Variants in ZNF79 observed in about 807,000 individuals in gnomAD.
ZNF79 encodes ZNFpT7.
Under a neutral mutation model 14.9 loss-of-function variants are expected in ZNF79, and 13 were observed. The observed-to-expected ratio is 0.87, with a 90% CI of 0.57 to 1.38. The LOEUF (loss-of-function observed/expected upper bound fraction) is 1.38. ZNF79 is among the 40% of genes most tolerant of loss of function. ZNF79 has a pLI of 0.00. For synonymous variants in ZNF79, 223 were observed against 235.1 expected (o/e 0.95, Z 0.47); for missense variants, 631 against 630.6 (o/e 1.00, Z -0.01).
intron 2 of ZNF79, among the ~76,000 whole-genome samples, chr9:127,429,822 C>CT (rs34638175): frequency 0.031 from 4,371 of 141,918 alleles, 94 homozygotes; most frequent in Admixed American, 0.051. Flanking sequence ...TTTCTTTTTC[C>CT]TTTTTTTTTT....
Position 127,435,223 on chromosome 9 carries a change from AAACTGTT to A in ZNF79, c.232+8_232+14del. The A allele has an allele frequency of 6.3e-7, 1 of 1,580,620 alleles. No individual in the cohort carries two copies. Among genetic ancestry groups the A allele is most frequent in the Non-Finnish European group, 8.6e-7 (1 of 1,169,428 alleles). On this transcript the variant is annotated splice_region_variant and intron_variant, in intron 3 of 4. Coordinates refer to ENST00000342483, the MANE Select transcript of ZNF79 (RefSeq NM_007135.3). ...AGGAGCCTTGTCCTACTAGGTAAGG[AAACTGTT>A]TCTTTAAGATTTAGAATCACTCAAT... is the stretch of plus-strand genomic sequence containing the variant.
chr9:127,435,341 G>A (rs147636925), intron 3 of ZNF79, 125 bp downstream of exon 3: 14 of 1,187,294 alleles, frequency 1.2e-5, no homozygotes, highest in Admixed American at 3.3e-5. Flanking sequence ...TATTCCTCTT[G>A]TTCTCTTGGG....
chr9:127,430,187 C>A (rs929524936), intron 2 of ZNF79, among the ~76,000 whole-genome samples: 1 of 152,210 alleles, frequency 6.6e-6, no homozygotes, highest in Non-Finnish European at 1.5e-5. Context: ...TTTCCACTTA[C>A]CAGAATTCGA....
chr9:127,427,143 C>T (rs1037320893), intron 1 of ZNF79, among the ~76,000 whole-genome samples: 1 of 151,476 alleles, frequency 6.6e-6, no homozygotes, highest in African/African-American at 2.4e-5. Flanking sequence ...TAGGGCCAGG[C>T]ACAGTGGCTC....
chr9:127,428,735 C>G (rs1039850743), intron 1 of ZNF79, 97 bp from the exon 2 acceptor site: 1 of 1,295,788 alleles, frequency 7.7e-7, no homozygotes, highest in African/African-American at 1.5e-5. Flanking sequence ...AGATTCAGCC[C>G]ACGTGCCCTG....
chr9:127,435,046 G>C, intron 2 of ZNF79, 44 bp from the exon 3 acceptor site: 2 of 1,577,758 alleles, frequency 1.3e-6, no homozygotes, highest in Non-Finnish European at 1.7e-6. Flanking sequence ...TATCACCCTA[G>C]ATCCTAAGGC....
intron 4 of ZNF79, among the ~76,000 whole-genome samples, chr9:127,437,060 T>TAAA (rs769977106): frequency 4.8e-5 from 6 of 123,798 alleles, no homozygotes; most frequent in South Asian, 2.6e-4. Context: ...AACTCTGTCT[T>TAAA]AAAAAAAAAA....
intron 4 of ZNF79, among the ~76,000 whole-genome samples, chr9:127,440,184 A>C (rs1834026077): frequency 6.6e-6 from 1 of 152,178 alleles, no homozygotes; most frequent in Non-Finnish European, 1.5e-5. Context: ...TTTTATGGTG[A>C]TGAGTTGTGT....
chr9:127,433,071 C>T (rs146143296), intron 2 of ZNF79, among the ~76,000 whole-genome samples: 5 of 152,148 alleles, frequency 3.3e-5, no homozygotes, highest in African/African-American at 1.2e-4. Context: ...CATGAGCCAT[C>T]GTGCCTGGCA....
chr9:127,428,736 A>T, intron 1 of ZNF79, 96 bp from the exon 2 acceptor site: 1 of 1,298,674 alleles, frequency 7.7e-7, no homozygotes, highest in Non-Finnish European at 1.0e-6. Flanking sequence ...GATTCAGCCC[A>T]CGTGCCCTGA....
At chr9:127,432,509 G>A (rs892765154) in intron 2 of ZNF79, among the ~76,000 whole-genome samples, 3 of 147,846 alleles carry the variant, frequency 2.0e-5, no homozygotes, top group Non-Finnish European at 4.5e-5. Flanking sequence ...CCTTGTTTAC[G>A]TTGAAAGTTT....
chr9:127,444,818 G>A lies in ZNF79; in HGVS notation c.1118G>A (p.Ser373Asn), dbSNP rs1834131718. The A allele has an allele frequency of 6.2e-7, 1 of 1,609,314 alleles. No homozygotes were observed. Among genetic ancestry groups the A allele is most frequent in the East Asian group, 2.2e-5 (1 of 44,834 alleles). The change falls in exon 5 of 5, where the codon AGT becomes AAT. Residue 373 changes from serine to asparagine, a missense_variant. By Grantham distance (46) the Ser-to-Asn change is conservative. Transcript: ENST00000342483. ...CAACGKAFSQ[S>N]ANLTNHQRTH... ...GCGTGTGGGAAGGCCTTCAGCCAGA[G>A]TGCAAACCTCACAAACCATCAGAGG...
Position 127,445,136 on chromosome 9 carries a change from G to GGAA in ZNF79, c.1438_1440dup (p.Lys480dup), listed in dbSNP as rs1834145171. 1 of 1,614,100 alleles carries GGAA rather than the reference G, an allele frequency of 6.2e-7. No individual in the cohort carries two copies. Among genetic ancestry groups the GGAA allele is most frequent in the South Asian group, 1.1e-5 (1 of 91,084 alleles). On this transcript the variant is annotated inframe_insertion, in exon 5 of 5. Transcript: ENST00000342483. ...AAACCCTACGAATGCAGCGAGTGTG[G>GGAA]GAAGGCCTTCCGGTGCAGCTCTGCC...
intron 2 of ZNF79, among the ~76,000 whole-genome samples, chr9:127,430,992 ATC>A (rs1281058944): frequency 6.6e-6 from 1 of 152,170 alleles, no homozygotes; most frequent in African/African-American, 2.4e-5. Flanking sequence ...GTGAGAGAAT[ATC>A]TCGTCATGGT....
chr9:127,424,757 C>T lies in ZNF79; in HGVS notation c.-31C>T, dbSNP rs1833719596. ...ATAGACCCTTACGCCCAGAGAACTG[C>T]TGGGAGGCTGTGGCGCGAGGCGGGA... On this transcript the variant is annotated 5_prime_UTR_variant, in exon 1 of 5. Coordinates refer to ENST00000342483, the MANE Select transcript of ZNF79 (RefSeq NM_007135.3). 1.2e-6 allele frequency: 2 copies of T among 1,613,602 alleles called. No homozygotes were observed. Among genetic ancestry groups the T allele is most frequent in the Non-Finnish European group, 1.7e-6 (2 of 1,179,952 alleles).
rs188712642 is a variant in ZNF79, at chr9:127,445,259, G to A, written c.*62G>A. 5 of 1,547,170 alleles carry A rather than the reference G, an allele frequency of 3.2e-6. No homozygotes were observed. The highest frequency in any genetic ancestry group is 4.4e-6 in the Non-Finnish European group (5 of 1,139,018). On this transcript the variant is annotated 3_prime_UTR_variant, in exon 5 of 5. Coordinates refer to ENST00000342483, the MANE Select transcript of ZNF79 (RefSeq NM_007135.3). The stretch of plus-strand genomic sequence containing the variant: ...TGCCGACTCAGGACAGGTGGGTGAG[G>A]ATCTGAGAAATGCTAAAGGCTTGAA...
Position 127,445,145 on chromosome 9 carries a change from T to C in ZNF79, c.1445T>C (p.Phe482Ser). Reference sequence around the variant, plus strand: ...GAATGCAGCGAGTGTGGGAAGGCCTTCCGGTGCAGCTCTGCCTTCGTTAGA... The same window carrying C: ...GAATGCAGCGAGTGTGGGAAGGCCTCCCGGTGCAGCTCTGCCTTCGTTAGA... ...PYECSECGKA[F>S]RCSSAFVRHQ... is the part of the protein sequence containing the mutation. The change falls in exon 5 of 5, where the codon TTC (phenylalanine) becomes TCC (serine). Residue 482 changes from phenylalanine (F) to serine (S), a missense_variant. Coordinates refer to ENST00000342483, the MANE Select transcript of ZNF79 (RefSeq NM_007135.3). 6.2e-7 allele frequency: 1 copy of C among 1,614,188 alleles called. No individual in the cohort carries two copies. The highest frequency in any genetic ancestry group is 8.5e-7 in the Non-Finnish European group (1 of 1,180,032).
intron 2 of ZNF79, among the ~76,000 whole-genome samples, chr9:127,429,822 CTTTT>C (rs34638175): frequency 7.0e-6 from 1 of 141,898 alleles, no homozygotes. Flanking sequence ...TTTCTTTTTC[CTTTT>C]TTTTTTTTTT....
intron 4 of ZNF79, among the ~76,000 whole-genome samples, chr9:127,441,944 C>CA (rs35456595): frequency 0.19 from 20,187 of 107,624 alleles, 1,999 homozygotes; most frequent in Admixed American, 0.35. Flanking sequence ...GACTCCGTCT[C>CA]AAAAAAAAAA....
Sources: allele counts gnomAD v4.1 joint callset (sites outside exome capture counted in the v4.1 genomes callset), GRCh38; gene constraint gnomAD v4.1.1; transcripts MANE v1.5; gene names NCBI Gene and HGNC (gene_info 2026-07-23, HGNC 2026-07-21).